Variants in CADPS2 observed in about 807,000 individuals in gnomAD.
CADPS2 encodes calcium dependent secretion activator 2, also known as calcium-dependent secretion activator 2.
CADPS2 carries 93 observed loss-of-function variants against 172.5 expected under a neutral mutation model. The ratio of observed to expected loss-of-function variants is 0.54; its 90% confidence interval spans 0.46 to 0.64. The LOEUF (loss-of-function observed/expected upper bound fraction) is 0.64, where lower values mean the gene tolerates loss of function less well. CADPS2 is among the 30% of genes least tolerant of loss of function. The pLI, the probability that CADPS2 is intolerant of heterozygous loss-of-function variation, is 0.00. For missense variants in CADPS2, 1,420 were observed against 1,565.9 expected (o/e 0.91, Z 1.57); for synonymous variants, 546 against 555.2 (o/e 0.98, Z 0.23).
intron 1 of CADPS2, among the ~76,000 whole-genome samples, 169 bp downstream of exon 1, chr7:122,885,830 C>G (rs542170623): frequency 6.6e-6 from 1 of 152,314 alleles, no homozygotes; most frequent in Non-Finnish European, 1.5e-5. Context: ...CAGCCGCATA[C>G]CCGGCGGGTG....
intron 1 of CADPS2, among the ~76,000 whole-genome samples, chr7:122,777,595 G>A (rs1248741073): frequency 1.3e-5 from 2 of 152,082 alleles, no homozygotes; most frequent in Non-Finnish European, 2.9e-5. Flanking sequence ...GGGAACTGGT[G>A]GGAGGTAAGT....
chr7:122,364,374 A>G (rs1181101431), intron 25 of CADPS2, among the ~76,000 whole-genome samples: 1 of 143,070 alleles, frequency 7.0e-6, no homozygotes, highest in African/African-American at 2.6e-5. Flanking sequence ...GTGCCACTGC[A>G]CTCCATCCTG....
chr7:122,850,243 C>A (rs753514412), intron 1 of CADPS2: 11 of 1,016,416 alleles, frequency 1.1e-5, no homozygotes, highest in Non-Finnish European at 1.2e-5. Flanking sequence ...GGCCCCCTGA[C>A]CCAGCTCCTG....
intron 20 of CADPS2, among the ~76,000 whole-genome samples, chr7:122,399,921 G>T (rs1158437330): frequency 6.8e-6 from 1 of 147,702 alleles, no homozygotes; most frequent in Non-Finnish European, 1.5e-5. Context: ...TGATCCGTCC[G>T]CCTCCGCCTC....
At chr7:122,798,907 AAC>A (rs1381222194) in intron 1 of CADPS2, among the ~76,000 whole-genome samples, 1 of 151,922 alleles carries the variant, frequency 6.6e-6, no homozygotes, top group East Asian at 2.0e-4. Context: ...GGCTCTCATT[AAC>A]ACAGTTACCT....
intron 1 of CADPS2, among the ~76,000 whole-genome samples, chr7:122,828,240 T>C: frequency 6.9e-6 from 1 of 144,828 alleles, no homozygotes. Context: ...GATATAACCA[T>C]TTCTACTATT....
intron 2 of CADPS2, among the ~76,000 whole-genome samples, chr7:122,691,332 T>G (rs538094085): frequency 6.6e-6 from 1 of 152,366 alleles, no homozygotes; most frequent in South Asian, 2.1e-4. Flanking sequence ...TAATGAACAC[T>G]GGAGCTCAGC....
At chr7:122,572,124 T>C (rs1156605839) in intron 7 of CADPS2, among the ~76,000 whole-genome samples, 2 of 152,122 alleles carry the variant, frequency 1.3e-5, no homozygotes, top group African/African-American at 2.4e-5. Context: ...CAAAATTTAA[T>C]GGCTAATTTT....
intron 3 of CADPS2, among the ~76,000 whole-genome samples, chr7:122,654,812 T>C (rs1329328474): frequency 6.6e-6 from 1 of 152,190 alleles, no homozygotes; most frequent in Non-Finnish European, 1.5e-5. Flanking sequence ...CTACCACAGA[T>C]AGTGATGGAT....
intron 8 of CADPS2, among the ~76,000 whole-genome samples, chr7:122,521,003 C>T (rs1232484812): frequency 6.6e-6 from 1 of 151,884 alleles, no homozygotes; most frequent in Non-Finnish European, 1.5e-5. Context: ...CAAAGAAATG[C>T]AACAATCAAT....
chr7:122,398,497 A>G (rs186436927), intron 20 of CADPS2, among the ~76,000 whole-genome samples: 5 of 152,190 alleles, frequency 3.3e-5, no homozygotes, highest in African/African-American at 9.7e-5. Context: ...AACAGACAAT[A>G]CAAATCACAA....
intron 1 of CADPS2, among the ~76,000 whole-genome samples, chr7:122,835,109 C>G (rs1009222105): frequency 6.6e-6 from 1 of 152,208 alleles, no homozygotes. Context: ...GATCAGGCAG[C>G]AACATTTGCT....
chr7:122,754,511 T>C (rs1014202600), intron 1 of CADPS2, among the ~76,000 whole-genome samples: 7 of 152,200 alleles, frequency 4.6e-5, no homozygotes, highest in African/African-American at 7.2e-5. Flanking sequence ...GGAGTTTTGC[T>C]CATCACCCAG....
At chr7:122,645,612 A>C in intron 3 of CADPS2, among the ~76,000 whole-genome samples, 1 of 135,624 alleles carries the variant, frequency 7.4e-6, no homozygotes, top group East Asian at 2.2e-4. Context: ...ATATACACAC[A>C]CACTAAGATA....
intron 2 of CADPS2, among the ~76,000 whole-genome samples, chr7:122,689,670 C>G (rs1272397862): frequency 6.6e-6 from 1 of 152,200 alleles, no homozygotes; most frequent in Non-Finnish European, 1.5e-5. Flanking sequence ...CCTGTGCCCT[C>G]ACAGACCCAT....
intron 11 of CADPS2, among the ~76,000 whole-genome samples, chr7:122,483,136 T>C (rs1025664629): frequency 6.6e-6 from 1 of 152,326 alleles, no homozygotes; most frequent in East Asian, 1.9e-4. Flanking sequence ...GATTGAATTG[T>C]TTCCAAGTAA....
chr7:122,501,619 G>A (rs2059205902), intron 9 of CADPS2, among the ~76,000 whole-genome samples: 1 of 151,998 alleles, frequency 6.6e-6, no homozygotes, highest in South Asian at 2.1e-4. Flanking sequence ...GGAGGCCGAG[G>A]CAGGCAGATC....
chr7:122,541,830 T>C (rs904439134), intron 8 of CADPS2, among the ~76,000 whole-genome samples: 2 of 116,528 alleles, frequency 1.7e-5, no homozygotes, highest in African/African-American at 6.7e-5. Flanking sequence ...TGTTTATATA[T>C]TCATATGTTT....
intron 1 of CADPS2, among the ~76,000 whole-genome samples, chr7:122,800,439 G>T (rs1158623234): frequency 1.3e-5 from 2 of 152,126 alleles, no homozygotes; most frequent in Non-Finnish European, 2.9e-5. Context: ...AACTGATCAA[G>T]TTCCAGAGCA....
Sources: gnomAD v4.1 joint callset for allele counts (sites outside exome capture counted in the v4.1 genomes callset) on GRCh38, gnomAD v4.1.1 for gene constraint, MANE v1.5 for transcripts, NCBI Gene and HGNC (gene_info 2026-07-23, HGNC 2026-07-21) for gene names.